MINDY1: variants seen among roughly 807,000 people sequenced by gnomAD.
The protein encoded by MINDY1 is MINDY lysine 48 deubiquitinase 1, also known as ubiquitin carboxyl-terminal hydrolase MINDY-1.
In MINDY1, 50 loss-of-function variants were observed where a neutral mutation model predicts 53.6. The ratio of observed to expected loss-of-function variants is 0.93; its 90% confidence interval spans 0.74 to 1.18. The LOEUF (loss-of-function observed/expected upper bound fraction) is 1.18, where lower values mean the gene tolerates loss of function less well. Among genes scored for constraint, MINDY1 ranks in the 50% most tolerant of loss-of-function variants. The pLI is 0.00. For synonymous variants in MINDY1, 231 were observed against 234.7 expected (o/e 0.98, Z 0.14); for missense variants, 484 against 578.6 (o/e 0.84, Z 1.68).
intron 1 of MINDY1, among the ~76,000 whole-genome samples, chr1:151,005,315 G>A (rs587764437): frequency 3.3e-5 from 5 of 152,126 alleles, no homozygotes; most frequent in African/African-American, 7.2e-5. Flanking sequence ...AGCCGGGCAC[G>A]GTGGCGGGCA....
rs765321814 is a variant in MINDY1, at chr1:151,002,606, A to T, written c.12T>A (p.His4Gln). Residue 4 changes from histidine (H) to glutamine (Q), a missense_variant, in exon 2 of 10, where the codon CAT (histidine) becomes CAA (glutamine). By Grantham distance (24) the His-to-Gln change is conservative. Coordinates refer to ENST00000683666, the MANE Select transcript of MINDY1 (RefSeq NM_001376665.1). The surrounding 1 kb of genome is among the most constrained non-coding windows in gnomAD (Gnocchi z 4.1). MEY[H>Q]QPEDPAPGKA... ...TACCAGGGGCTGGATCCTCAGGCTG[A>T]TGGTATTCCATGGTCAAAAGGGACT... 3.1e-6 allele frequency: 5 copies of T among 1,614,104 alleles called. No individual in the cohort carries two copies. The South Asian group carries it at 5.5e-5, about 18-fold the overall frequency.
In MINDY1 at chr1:151,002,353, C is replaced by T; in HGVS notation, c.265G>A (p.Glu89Lys). The change falls in exon 2 of 10, where the codon GAG becomes AAG. Residue 89 changes from glutamate to lysine, a missense_variant. Physicochemically the swap from Glu to Lys is moderately conservative, Grantham distance 56 (BLOSUM62 1). Transcript: ENST00000683666. The surrounding 1 kb of genome is among the most constrained non-coding windows in gnomAD (Gnocchi z 4.1). ...GPTLGTLPEV[E>K]TIRACSMPQE... ...GGCATGGAGCATGCCCTTATTGTCT[C>T]TACTTCAGGCAGTGTCCCAAGGGTT... is the stretch of plus-strand genomic sequence containing the variant. 1 of 1,614,200 alleles carries T rather than the reference C, an allele frequency of 6.2e-7. No homozygotes were observed.
In MINDY1 at chr1:150,999,526, C is replaced by A. The variant is rs767537672; in HGVS notation, c.839-15G>T. ...TGCAATCAGGCCTGCCAGAAAGGGA[C>A]GAGTCGGGGGAAACTTGGCTTAAAT... is the stretch of plus-strand genomic sequence containing the variant. On this transcript the variant is annotated splice_polypyrimidine_tract_variant and intron_variant, in intron 6 of 9. Coordinates refer to ENST00000683666, the MANE Select transcript of MINDY1 (RefSeq NM_001376665.1). The surrounding 1 kb of genome is among the most constrained non-coding windows in gnomAD (Gnocchi z 4.4). 4 of 1,613,030 alleles carry A rather than the reference C, an allele frequency of 2.5e-6. No individual in the cohort carries two copies. The East Asian group carries it at 8.9e-5, about 36-fold the overall frequency.
Position 151,002,967 on chromosome 1 carries a change from C to T in MINDY1, c.-89-261G>A, listed in dbSNP as rs925526561. 7.9e-7 allele frequency: 1 copy of T among 1,262,296 alleles called. No individual in the cohort carries two copies. Among genetic ancestry groups the T allele is most frequent in the Non-Finnish European group, 1.0e-6 (1 of 998,602 alleles). The allele number at this position is 1,262,296 out of a possible 1,614,324, so 78.2% of individuals were successfully genotyped here. On this transcript the variant is annotated intron_variant, in intron 1 of 9. Transcript: ENST00000683666. The surrounding 1 kb of genome is among the most constrained non-coding windows in gnomAD (Gnocchi z 4.1). Reference sequence around the variant, plus strand: ...TTGAACACATGGGTGGAGTCAGCTTCCCTGAAACAGATCATGACAGGGAAG... The same window carrying T: ...TTGAACACATGGGTGGAGTCAGCTTTCCTGAAACAGATCATGACAGGGAAG...
rs1035473497 is a variant in MINDY1, at chr1:151,000,351, C to T, written c.735+106G>A. 7.4e-6 allele frequency: 9 copies of T among 1,214,498 alleles called. No individual in the cohort carries two copies. In the African/African-American group the frequency reaches 1.2e-4, roughly 16 times the overall value. The allele number at this position is 1,214,498 out of a possible 1,614,324, so 75.2% of individuals were successfully genotyped here. On this transcript the variant is annotated intron_variant, in intron 5 of 9. Coordinates refer to ENST00000683666, the MANE Select transcript of MINDY1 (RefSeq NM_001376665.1). ...CCAGTCTCTAAACACTATTTCCCTC[C>T]CAAGCCAATCTAACCCCTAACTCCC... is the stretch of plus-strand genomic sequence containing the variant.
In MINDY1 at chr1:151,001,797, G is replaced by T; in HGVS notation, c.454-15C>A. 2 of 1,587,284 alleles carry T rather than the reference G, an allele frequency of 1.3e-6. No individual in the cohort carries two copies. The highest frequency in any genetic ancestry group is 1.7e-6 in the Non-Finnish European group (2 of 1,172,224). ...GGGAGCTTCACCTGGAGGCAGAAGG[G>T]GTGATCACGTGTGTGCTTTCCTCCA... On this transcript the variant is annotated splice_polypyrimidine_tract_variant and intron_variant, in intron 2 of 9. Transcript: ENST00000683666.
chr1:151,003,420 A>C (rs1022042496), intron 1 of MINDY1, among the ~76,000 whole-genome samples: 3 of 152,020 alleles, frequency 2.0e-5, no homozygotes, highest in Non-Finnish European at 2.9e-5. Context: ...AGGCCTTGGG[A>C]GGGGTTTCCT....
In MINDY1 at chr1:150,999,603, G is replaced by A. The variant is rs1174858517; in HGVS notation, c.839-92C>T. 31 of 1,530,618 alleles carry A rather than the reference G, an allele frequency of 2.0e-5. No individual in the cohort carries two copies. Among genetic ancestry groups the A allele is most frequent in the Middle Eastern group, 4.8e-4 (2 of 4,192 alleles). The allele number at this position is 1,530,618 out of a possible 1,614,324, so 94.8% of individuals were successfully genotyped here. ...CCAGAGAGCCCCTGTCAAAAGCCCC[G>A]GGGGGTCAGTCCCACCTTCTGACGT... On this transcript the variant is annotated intron_variant, in intron 6 of 9. Coordinates refer to ENST00000683666, the MANE Select transcript of MINDY1 (RefSeq NM_001376665.1). The surrounding 1 kb of genome is among the most constrained non-coding windows in gnomAD (Gnocchi z 4.4).
chr1:151,005,454 C>CA (rs71580353), intron 1 of MINDY1, among the ~76,000 whole-genome samples: 3,974 of 70,788 alleles, frequency 0.056, 97 homozygotes, highest in Middle Eastern at 0.13. Flanking sequence ...CTCTTGCCTC[C>CA]AAAAAAAAAA....
At chr1:151,006,001 C>T (rs1475511225) in intron 1 of MINDY1, 1 of 1,445,346 alleles carries the variant, frequency 6.9e-7, no homozygotes, top group East Asian at 2.5e-5. Context: ...TCACACCAAT[C>T]TCCTTCTTAG....
In MINDY1 at chr1:151,000,565, A is replaced by T; in HGVS notation, c.627T>A (p.Asp209Glu). The T allele has an allele frequency of 6.2e-7, 1 of 1,614,110 alleles. No homozygotes were observed. Among genetic ancestry groups the T allele is most frequent in the Non-Finnish European group, 8.5e-7 (1 of 1,180,022 alleles). The change falls in exon 5 of 10, where the codon GAT becomes GAA. Residue 209 changes from aspartate (D) to glutamate (E), a missense_variant. Coordinates refer to ENST00000683666, the MANE Select transcript of MINDY1 (RefSeq NM_001376665.1). ...AGACGCCTGTGAATCGCACATTGAC[A>T]TCCAGACCTGTGGCCAGTTTAGGCA... ...TVLPKLATGL[D>E]VNVRFTGVSD...
chr1:150,998,348 G>A, intron 7 of MINDY1, 75 bp from the exon 8 acceptor site: 1 of 1,393,362 alleles, frequency 7.2e-7, no homozygotes, highest in Non-Finnish European at 9.8e-7. Flanking sequence ...ATCTCGGTAT[G>A]AGCATGTGGA....
rs1391091373 is a variant in MINDY1, at chr1:150,998,241, G to A, written c.1014C>T (p.Gly338=). The A allele has an allele frequency of 3.1e-6, 5 of 1,614,060 alleles. No homozygotes were observed. Among genetic ancestry groups the A allele is most frequent in the Admixed American group, 1.7e-5 (1 of 60,000 alleles). ...SHLYLLVTDQ[G]FLQEEQVVWE... ...ATACGACTTGCTCCTCCTGTAGAAA[G>A]CCCTGGTCAGTGACCAGTAGGTATA... Residue 338 remains glycine, a synonymous_variant, in exon 8 of 10, where the codon GGC becomes GGT. Transcript: ENST00000683666.
At position 150,997,519 on chromosome 1, in the gene MINDY1, G is replaced by A. The variant is rs771808299; in HGVS notation, c.1329+105C>T. Reference sequence around the variant, plus strand: ...GAGGGACAGGCAGGGGAAGGACTCTGAGAGAAGAAACCTTGAAGAGACCAG... The same window carrying A: ...GAGGGACAGGCAGGGGAAGGACTCTAAGAGAAGAAACCTTGAAGAGACCAG... On this transcript the variant is annotated intron_variant, in intron 9 of 9. Coordinates refer to ENST00000683666, the MANE Select transcript of MINDY1 (RefSeq NM_001376665.1). 4 of 1,582,034 alleles carry A rather than the reference G, an allele frequency of 2.5e-6. No homozygotes were observed. The South Asian group carries it at 4.5e-5, about 18-fold the overall frequency.
rs781162463 is a variant in MINDY1 at position 150,999,427 on chromosome 1, T to C, written c.923A>G (p.Glu308Gly). Residue 308 changes from glutamate (E) to glycine (G), a missense_variant, in exon 7 of 10, where the codon GAG (glutamate) becomes GGG (glycine). Transcript: ENST00000683666. The surrounding 1 kb of genome is among the most constrained non-coding windows in gnomAD (Gnocchi z 4.4). ...TCGGAAAAAGACGCTAAGTTCACCC[T>C]CCTTAGCAGCTGCTGTCAGCTCACA... ...GLCELTAAAKEGELSVFFRNN... is the reference protein window; with the variant it reads ...GLCELTAAAKGGELSVFFRNN... 4 of 1,614,062 alleles carry C rather than the reference T, an allele frequency of 2.5e-6. No individual in the cohort carries two copies. The highest frequency in any genetic ancestry group is 3.4e-6 in the Non-Finnish European group (4 of 1,180,008).
chr1:151,002,396 G>C lies in MINDY1; in HGVS notation c.222C>G (p.Ser74Arg). ...CAAGGGTTGGCCCCGGTGGAGCTGAGCTAGCTTCAGGCAGAGGGGACTCAA... is the reference window on the plus strand; with the variant it reads ...CAAGGGTTGGCCCCGGTGGAGCTGACCTAGCTTCAGGCAGAGGGGACTCAA... Reference protein sequence around the residue: ...DNLESPLPEASSAPPGPTLGT... With the variant: ...DNLESPLPEARSAPPGPTLGT... Residue 74 changes from serine (S) to arginine (R), a missense_variant, in exon 2 of 10, where the codon AGC (serine) becomes AGG (arginine). Transcript: ENST00000683666. The surrounding 1 kb of genome is among the most constrained non-coding windows in gnomAD (Gnocchi z 4.1). 1 of 1,614,184 alleles carries C rather than the reference G, an allele frequency of 6.2e-7. No homozygotes were observed. Among genetic ancestry groups the C allele is most frequent in the Non-Finnish European group, 8.5e-7 (1 of 1,180,026 alleles).
chr1:151,002,415 G>T lies in MINDY1; in HGVS notation c.203C>A (p.Ser68Tyr), dbSNP rs2102852808. 4 of 1,614,182 alleles carry T rather than the reference G, an allele frequency of 2.5e-6. 1 individual carries two copies. Among genetic ancestry groups the T allele is most frequent in the South Asian group, 2.2e-5 (2 of 91,086 alleles). The change falls in exon 2 of 10, where the codon TCC becomes TAC. Residue 68 changes from serine to tyrosine, a missense_variant. By Grantham distance (144) the Ser-to-Tyr change is moderately radical. Coordinates refer to ENST00000683666, the MANE Select transcript of MINDY1 (RefSeq NM_001376665.1). The surrounding 1 kb of genome is among the most constrained non-coding windows in gnomAD (Gnocchi z 4.1). ...AGCTGAGCTAGCTTCAGGCAGAGGG[G>T]ACTCAAGGTTGTCCCCACACTGGCT... Reference protein sequence around the residue: ...LPSQCGDNLESPLPEASSAPP... With the variant: ...LPSQCGDNLEYPLPEASSAPP...
In MINDY1 at chr1:150,997,663, C is replaced by T. The variant is rs143194224; in HGVS notation, c.1290G>A (p.Ala430=). ...QQEEYQQQQA[A]QPVRMRTRVL... ...CCCGCGTCCGCATCCGCACTGGCTGCGCTGCCTGCTGCTGTTGATACTCCT... is the reference window on the plus strand; with the variant it reads ...CCCGCGTCCGCATCCGCACTGGCTGTGCTGCCTGCTGCTGTTGATACTCCT... Residue 430 remains alanine (A), a synonymous_variant, in exon 9 of 10, where the codon GCG becomes GCA. Coordinates refer to ENST00000683666, the MANE Select transcript of MINDY1 (RefSeq NM_001376665.1). The T allele has an allele frequency of 1.9e-4, 300 of 1,612,400 alleles. 1 individual carries two copies. The highest frequency in any genetic ancestry group is 3.3e-4 in the Middle Eastern group (2 of 6,060).
intron 1 of MINDY1, among the ~76,000 whole-genome samples, chr1:151,005,522 G>A (rs1369748415): frequency 1.3e-4 from 19 of 151,700 alleles, no homozygotes; most frequent in Non-Finnish European, 1.2e-4. Context: ...TTTCTCTCCA[G>A]TGCCAGAAAT....
Sources: gnomAD v4.1 joint callset for allele counts (sites outside exome capture counted in the v4.1 genomes callset) on GRCh38, gnomAD v4.1.1 for gene constraint, Gnocchi (gnomAD v3.1) non-coding constraint, MANE v1.5 for transcripts, NCBI Gene and HGNC (gene_info 2026-07-23, HGNC 2026-07-21) for gene names.